Variants in VPS13B observed in about 807,000 individuals in gnomAD.
VPS13B encodes the protein intermembrane lipid transfer protein VPS13B.
In VPS13B, 285 loss-of-function variants were observed where a neutral mutation model predicts 426.4. That is an observed-to-expected ratio of 0.67 (90% CI 0.61 to 0.74). The LOEUF is 0.74. Ranked by LOEUF, VPS13B falls within the 30% of genes least tolerant of loss-of-function variation. VPS13B has a pLI of 0.00. For missense variants in VPS13B, 4,537 were observed against 4,782.6 expected (o/e 0.95, Z 1.51); for synonymous variants, 1,676 against 1,676.4 (o/e 1.00, Z 0.01).
intron 3 of VPS13B, among the ~76,000 whole-genome samples, chr8:99,089,466 T>C (rs1215576854): frequency 6.6e-6 from 1 of 152,142 alleles, no homozygotes; most frequent in Non-Finnish European, 1.5e-5. Context: ...TATGGAGACA[T>C]AAGACATCAA....
chr8:99,266,414 A>C (rs1405968635), intron 17 of VPS13B, among the ~76,000 whole-genome samples: 8 of 151,808 alleles, frequency 5.3e-5, no homozygotes, highest in African/African-American at 1.9e-4. Context: ...TCTGTCTCTT[A>C]AAAAAAAGAA....
rs1000205766 is a variant in VPS13B, at chr8:99,835,460, C to A, written c.9743-79C>A. 29 of 1,534,252 alleles carry A rather than the reference C, an allele frequency of 1.9e-5. No homozygotes were observed. In the South Asian group the frequency reaches 3.2e-4, roughly 17 times the overall value. The stretch of plus-strand genomic sequence containing the variant: ...TTAATGATCTCTTTTTGAGAAGTTT[C>A]TTTTGCCACATTATGTTCTGTCCCC... On this transcript the variant is annotated intron_variant, in intron 53 of 61. Transcript: ENST00000357162.
intron 19 of VPS13B, among the ~76,000 whole-genome samples, chr8:99,321,210 CTTTTT>C (rs58817658): frequency 1.1e-5 from 1 of 93,994 alleles, no homozygotes; most frequent in Non-Finnish European, 2.2e-5. Flanking sequence ...TTTTCTTTTT[CTTTTT>C]TTTTTTTTTT....
At chr8:99,552,220 T>C (rs1443424726) in intron 30 of VPS13B, among the ~76,000 whole-genome samples, 1 of 152,038 alleles carries the variant, frequency 6.6e-6, no homozygotes, top group Non-Finnish European at 1.5e-5. Context: ...TGCTCATACT[T>C]TGAAGATGCT....
chr8:99,701,078 G>A (rs1304235987), intron 36 of VPS13B, among the ~76,000 whole-genome samples: 2 of 152,146 alleles, frequency 1.3e-5, no homozygotes, highest in African/African-American at 4.8e-5. Flanking sequence ...TTTTATAGTT[G>A]AGAAGCCTGA....
At chr8:99,049,241 T>C (rs1472534788) in intron 3 of VPS13B, among the ~76,000 whole-genome samples, 1 of 152,160 alleles carries the variant, frequency 6.6e-6, no homozygotes, top group Non-Finnish European at 1.5e-5. Context: ...AATTGTATTT[T>C]TGTTTTATAG....
At chr8:99,610,550 A>T (rs1395728375) in intron 33 of VPS13B, among the ~76,000 whole-genome samples, 1 of 150,002 alleles carries the variant, frequency 6.7e-6, no homozygotes, top group South Asian at 2.1e-4. Flanking sequence ...GAACACATGG[A>T]CTCGGGGAGG....
chr8:99,344,987 A>C (rs1456095415), intron 19 of VPS13B, among the ~76,000 whole-genome samples: 6 of 152,092 alleles, frequency 3.9e-5, no homozygotes, highest in Non-Finnish European at 7.4e-5. Flanking sequence ...CAAGTTTTCC[A>C]AGTTTTCCTC....
At chr8:99,588,479 C>T (rs1253538910) in intron 33 of VPS13B, among the ~76,000 whole-genome samples, 3 of 151,492 alleles carry the variant, frequency 2.0e-5, no homozygotes, top group Admixed American at 1.3e-4. Flanking sequence ...TGTTTGTGTC[C>T]TCTTTTATTT....
chr8:99,688,581 T>C (rs554233588), intron 35 of VPS13B, among the ~76,000 whole-genome samples: 9 of 152,108 alleles, frequency 5.9e-5, no homozygotes, highest in African/African-American at 2.2e-4. Context: ...GAGGAGTTAA[T>C]GGATTGCTTG....
At chr8:99,267,579 T>A (rs566018975) in intron 17 of VPS13B, among the ~76,000 whole-genome samples, 1 of 151,318 alleles carries the variant, frequency 6.6e-6, no homozygotes, top group African/African-American at 2.4e-5. Context: ...ATACAAAAAT[T>A]AGTGGGGCAT....
intron 16 of VPS13B, among the ~76,000 whole-genome samples, chr8:99,185,357 A>G (rs1344208352): frequency 6.6e-6 from 1 of 152,180 alleles, no homozygotes; most frequent in Non-Finnish European, 1.5e-5. Flanking sequence ...AATTTTTTAA[A>G]ACTTTAAAAA....
chr8:99,418,654 T>A (rs996884859), intron 21 of VPS13B, among the ~76,000 whole-genome samples: 4 of 152,098 alleles, frequency 2.6e-5, no homozygotes, highest in Non-Finnish European at 5.9e-5. Flanking sequence ...GTTCAAGTGG[T>A]TCTCCTGCCT....
intron 58 of VPS13B, among the ~76,000 whole-genome samples, chr8:99,865,343 G>C (rs966686679): frequency 5.3e-5 from 8 of 152,208 alleles, no homozygotes; most frequent in Non-Finnish European, 1.2e-4. Flanking sequence ...ACCAAAGCTA[G>C]GATGTCAAGA....
chr8:99,385,169 G>C (rs1036971714), intron 20 of VPS13B, among the ~76,000 whole-genome samples: 1 of 152,130 alleles, frequency 6.6e-6, no homozygotes, highest in African/African-American at 2.4e-5. Flanking sequence ...ACATAATTCT[G>C]ACAGTTTTAT....
intron 3 of VPS13B, among the ~76,000 whole-genome samples, chr8:99,064,259 G>C (rs1255541657): frequency 2.0e-5 from 3 of 152,192 alleles, no homozygotes; most frequent in African/African-American, 7.2e-5. Context: ...GAATGACTTT[G>C]AGGAGCTGAC....
At chr8:99,825,235 C>G (rs556763209) in intron 51 of VPS13B, among the ~76,000 whole-genome samples, 1 of 152,184 alleles carries the variant, frequency 6.6e-6, no homozygotes, top group Non-Finnish European at 1.5e-5. Context: ...TCTCCAGCAT[C>G]TGTTGTTTCC....
intron 19 of VPS13B, among the ~76,000 whole-genome samples, chr8:99,311,538 T>A (rs955368180): frequency 2.0e-5 from 3 of 152,188 alleles, no homozygotes; most frequent in Non-Finnish European, 2.9e-5. Flanking sequence ...TGAGAGACAG[T>A]TTGTTATAAT....
intron 51 of VPS13B, among the ~76,000 whole-genome samples, chr8:99,831,541 A>G (rs1815060931): frequency 6.6e-6 from 1 of 152,192 alleles, no homozygotes. Flanking sequence ...ATCAAATAGG[A>G]TAAAAGTCTT....
Sources: allele counts gnomAD v4.1 joint callset (sites outside exome capture counted in the v4.1 genomes callset), GRCh38; gene constraint gnomAD v4.1.1; transcripts MANE v1.5; gene names NCBI Gene and HGNC (gene_info 2026-07-23, HGNC 2026-07-21).